Variants in RNGTT observed in about 807,000 individuals in gnomAD.
The protein encoded by RNGTT is RNA guanylyltransferase and 5'-phosphatase.
A neutral mutation model predicts 79.3 loss-of-function variants in RNGTT; 33 were observed. That is an observed-to-expected ratio of 0.42 (90% CI 0.32 to 0.56). RNGTT has a LOEUF of 0.56. RNGTT is among the 20% of genes least tolerant of loss of function. The pLI is 0.17. For missense variants in RNGTT, 497 were observed against 739.1 expected (o/e 0.67, Z 3.80); for synonymous variants, 222 against 235.9 (o/e 0.94, Z 0.54).
intron 13 of RNGTT, among the ~76,000 whole-genome samples, chr6:88,741,918 G>A (rs1039257180): frequency 3.9e-5 from 6 of 152,052 alleles, no homozygotes; most frequent in African/African-American, 1.2e-4. Context: ...TGATCTTTCC[G>A]TTGCTATTAG....
At chr6:88,907,417 G>GT (rs1332636731) in intron 4 of RNGTT, among the ~76,000 whole-genome samples, 1 of 152,056 alleles carries the variant, frequency 6.6e-6, no homozygotes, top group African/African-American at 2.4e-5. Context: ...CACTAAGATT[G>GT]TAAGTGTTTG....
intron 1 of RNGTT, among the ~76,000 whole-genome samples, chr6:88,941,537 G>A (rs1784847284): frequency 6.6e-6 from 1 of 152,134 alleles, no homozygotes; most frequent in South Asian, 2.1e-4. Context: ...CAAAGTGCTG[G>A]AATTACAGGC....
intron 11 of RNGTT, among the ~76,000 whole-genome samples, chr6:88,810,454 G>A (rs1780099858): frequency 6.6e-6 from 1 of 152,190 alleles, no homozygotes; most frequent in South Asian, 2.1e-4. Flanking sequence ...AAGGTTGTAA[G>A]TCAAACCAAA....
intron 13 of RNGTT, among the ~76,000 whole-genome samples, chr6:88,712,261 T>C (rs1006250990): frequency 6.6e-6 from 1 of 152,174 alleles, no homozygotes; most frequent in African/African-American, 2.4e-5. Context: ...ACTTCAAACA[T>C]AGGAAGAATT....
intron 14 of RNGTT, among the ~76,000 whole-genome samples, chr6:88,630,824 TA>T (rs1419733702): frequency 5.9e-5 from 9 of 152,326 alleles, no homozygotes; most frequent in East Asian, 1.9e-4. Context: ...TTTGCTTAAA[TA>T]TTTTTTTAGA....
At chr6:88,854,991 G>T (rs571650279) in intron 8 of RNGTT, among the ~76,000 whole-genome samples, 3 of 152,272 alleles carry the variant, frequency 2.0e-5, no homozygotes, top group Admixed American at 2.0e-4. Context: ...TAGCAAAAAA[G>T]ATTAGAAAGT....
chr6:88,853,295 C>G (rs895053455), intron 9 of RNGTT, among the ~76,000 whole-genome samples: 1 of 152,180 alleles, frequency 6.6e-6, no homozygotes, highest in Admixed American at 6.5e-5. Context: ...ATCACGAGGT[C>G]AGGAGTTCAA....
chr6:88,829,097 A>C (rs1307644903), intron 11 of RNGTT, among the ~76,000 whole-genome samples: 2 of 152,178 alleles, frequency 1.3e-5, no homozygotes. Flanking sequence ...AGATTCACCA[A>C]GGCTGAAATG....
At chr6:88,879,225 C>T (rs896107932) in intron 8 of RNGTT, among the ~76,000 whole-genome samples, 2 of 152,092 alleles carry the variant, frequency 1.3e-5, no homozygotes, top group African/African-American at 4.8e-5. Flanking sequence ...GAAACCCTGT[C>T]TCTACTAAAA....
intron 14 of RNGTT, among the ~76,000 whole-genome samples, chr6:88,629,524 C>A (rs1772764079): frequency 6.6e-6 from 1 of 152,244 alleles, no homozygotes; most frequent in Non-Finnish European, 1.5e-5. Context: ...CCTCCTTCCC[C>A]ACTTCCTATA....
At chr6:88,761,851 G>C (rs1778269725) in intron 13 of RNGTT, among the ~76,000 whole-genome samples, 1 of 152,192 alleles carries the variant, frequency 6.6e-6, no homozygotes, top group South Asian at 2.1e-4. Context: ...TTCAAAGGAT[G>C]AGCAGCATTT....
At chr6:88,624,752 T>G (rs928642997) in intron 14 of RNGTT, among the ~76,000 whole-genome samples, 2 of 151,842 alleles carry the variant, frequency 1.3e-5, no homozygotes, top group Non-Finnish European at 2.9e-5. Context: ...AAACTTATGC[T>G]CTCTAAATAT....
chr6:88,895,764 G>A (rs1783225566), intron 6 of RNGTT, among the ~76,000 whole-genome samples: 1 of 152,080 alleles, frequency 6.6e-6, no homozygotes, highest in Non-Finnish European at 1.5e-5. Flanking sequence ...TTATATCTGT[G>A]CTTCTCATCC....
At chr6:88,883,170 CAAAAAA>C (rs976114373) in intron 8 of RNGTT, among the ~76,000 whole-genome samples, 7 of 68,868 alleles carry the variant, frequency 1.0e-4, no homozygotes, top group East Asian at 6.0e-4. Flanking sequence ...CTCTTTATGA[CAAAAAA>C]AAAAAAAAAA....
At chr6:88,846,803 T>TG (rs1226324496) in intron 10 of RNGTT, among the ~76,000 whole-genome samples, 1 of 151,864 alleles carries the variant, frequency 6.6e-6, no homozygotes, top group East Asian at 1.9e-4. Flanking sequence ...CTAATGCTCC[T>TG]GACCTCCATG....
intron 14 of RNGTT, among the ~76,000 whole-genome samples, chr6:88,659,734 G>T (rs1182599011): frequency 6.6e-6 from 1 of 152,096 alleles, no homozygotes; most frequent in African/African-American, 2.4e-5. Flanking sequence ...TTATTTGAGG[G>T]AATAGTCAAT....
chr6:88,833,980 C>T (rs1780973343), intron 11 of RNGTT, among the ~76,000 whole-genome samples: 1 of 152,090 alleles, frequency 6.6e-6, no homozygotes, highest in African/African-American at 2.4e-5. Context: ...GAGATAGCAC[C>T]AATGCACTCT....
intron 13 of RNGTT, among the ~76,000 whole-genome samples, chr6:88,694,881 GC>G (rs561173516): frequency 6.6e-6 from 1 of 151,876 alleles, no homozygotes; most frequent in Non-Finnish European, 1.5e-5. Flanking sequence ...CAGCACAAAG[GC>G]CCTAATCACA....
At chr6:88,878,083 T>TATTG (rs1782574925) in intron 8 of RNGTT, among the ~76,000 whole-genome samples, 1 of 139,490 alleles carries the variant, frequency 7.2e-6, no homozygotes, top group Admixed American at 7.0e-5. Flanking sequence ...TTTGTTTATT[T>TATTG]ATTTATTTAT....
Sources: allele counts gnomAD v4.1 joint callset (sites outside exome capture counted in the v4.1 genomes callset), GRCh38; gene constraint gnomAD v4.1.1; transcripts MANE v1.5; gene names NCBI Gene and HGNC (gene_info 2026-07-23, HGNC 2026-07-21).